PLB1: variants seen among roughly 807,000 people sequenced by gnomAD.
PLB1 encodes phospholipase B1.
In PLB1, 242 loss-of-function variants were observed where a neutral mutation model predicts 227.4. The ratio of observed to expected loss-of-function variants is 1.06; its 90% CI spans 0.96 to 1.18. PLB1 has a LOEUF of 1.18. PLB1 is among the 50% of genes most tolerant of loss of function. PLB1 has a pLI of 0.00. For synonymous variants in PLB1, 757 were observed against 682.2 expected, an observed-to-expected ratio of 1.11 and a Z score of -1.71; for missense variants, 1,858 against 1,816.3, an observed-to-expected ratio of 1.02 and a Z score of -0.42.
At chr2:28,552,890 A>C (rs758926120) in intron 16 of PLB1, 38 bp from the exon 17 acceptor site, 1 of 1,589,514 alleles carries the variant, frequency 6.3e-7, no homozygotes, top group Non-Finnish European at 8.6e-7. Context: ...AGTTTAGAAA[A>C]ATCCATTTTC....
At chr2:28,501,420 A>C (rs1667087613) in intron 1 of PLB1, among the ~76,000 whole-genome samples, 1 of 152,146 alleles carries the variant, frequency 6.6e-6, no homozygotes, top group South Asian at 2.1e-4. Context: ...GAATCACTTG[A>C]ATTTTTTTTT....
chr2:28,552,873 C>A, intron 16 of PLB1, 55 bp from the exon 17 acceptor site: 2 of 1,471,758 alleles, frequency 1.4e-6, no homozygotes, highest in Non-Finnish European at 1.9e-6. Context: ...ACTTCTCACC[C>A]ATTTCCAGTT....
Position 28,573,159 on chromosome 2 carries a change from C to T in PLB1, c.1325-38C>T, listed in dbSNP as rs1678302441. On this transcript the variant is annotated intron_variant, in intron 20 of 57. Coordinates refer to ENST00000327757, the MANE Select transcript of PLB1 (RefSeq NM_153021.5). ...TCAAAGGAATTTGAAGATTGCTTTG[C>T]AGTAGTCACTAAGCGTGTCTTTTCC... The T allele has an allele frequency of 2.7e-6, 4 of 1,505,410 alleles. No individual in the cohort carries two copies. The South Asian group carries it at 3.4e-5, about 13-fold the overall frequency. 93.3% of individuals were successfully genotyped at this position (1,505,410 alleles called of 1,614,324 possible). A position where few individuals can be genotyped will look rare whatever the true frequency, so the allele number is the denominator to read the frequency against.
At chr2:28,569,987 A>G (rs911997307) in intron 20 of PLB1, among the ~76,000 whole-genome samples, 2 of 150,114 alleles carry the variant, frequency 1.3e-5, no homozygotes, top group Admixed American at 1.3e-4. Context: ...AAAGAAAGAA[A>G]AAAGAAAATC....
At chr2:28,532,853 G>A (rs1044543591) in intron 9 of PLB1, among the ~76,000 whole-genome samples, 10 of 152,184 alleles carry the variant, frequency 6.6e-5, no homozygotes, top group South Asian at 4.1e-4. Context: ...GACATGAAGC[G>A]TGTGGTCTCG....
intron 9 of PLB1, among the ~76,000 whole-genome samples, chr2:28,532,561 C>G (rs1476949714): frequency 6.6e-6 from 1 of 152,104 alleles, no homozygotes; most frequent in Non-Finnish European, 1.5e-5. Context: ...TCACAAGGAA[C>G]AGGTGTTTTT....
chr2:28,519,765 T>C lies in PLB1; in HGVS notation c.243+2T>C, dbSNP rs758592021. On this transcript the variant is annotated splice_donor_variant, in intron 4 of 57. Coordinates refer to ENST00000327757, the MANE Select transcript of PLB1 (RefSeq NM_153021.5). LOFTEE classifies it high-confidence loss of function. Reference sequence around the variant, plus strand: ...GCAGCCATTGGCAATCTGGAAATTGTGAGTATTTGAAGTAGCTTGGGGCAG... The same window carrying C: ...GCAGCCATTGGCAATCTGGAAATTGCGAGTATTTGAAGTAGCTTGGGGCAG... The C allele has an allele frequency of 6.2e-7, 1 of 1,608,676 alleles. No individual in the cohort carries two copies. The highest frequency in any genetic ancestry group is 8.5e-7 in the Non-Finnish European group (1 of 1,175,154).
chr2:28,501,270 A>G (rs1484911099), intron 1 of PLB1, among the ~76,000 whole-genome samples: 1 of 152,208 alleles, frequency 6.6e-6, no homozygotes, highest in African/African-American at 2.4e-5. Context: ...CACTTACTGA[A>G]TCCTACAATA....
At position 28,618,355 on chromosome 2, in the gene PLB1, C is replaced by T; in HGVS notation, c.3271C>T (p.Pro1091Ser). ...SVPTSVHQLR[P>S]ADIKVVAALG... ...GTCTCCCCTAGTCCACCAGCTCCGA[C>T]CAGCAGACATCAAAGTGGTGGCCGC... Residue 1091 changes from proline to serine, a missense_variant, in exon 46 of 58, where the codon CCA (proline) becomes TCA (serine). Coordinates refer to ENST00000327757, the MANE Select transcript of PLB1 (RefSeq NM_153021.5). 1 of 1,614,160 alleles carries T rather than the reference C, an allele frequency of 6.2e-7. No homozygotes were observed. Among genetic ancestry groups the T allele is most frequent in the Non-Finnish European group, 8.5e-7 (1 of 1,180,028 alleles).
rs560326200 is a variant in PLB1 at position 28,520,177 on chromosome 2, C to G, written c.243+414C>G. Among the ~76,000 whole-genome samples the G allele has an allele frequency of 1.1e-4, 16 of 151,950 alleles. No individual in the cohort carries two copies. In the South Asian group the frequency reaches 3.1e-3, roughly 30 times the overall value. On this transcript the variant is annotated intron_variant, in intron 4 of 57. Transcript: ENST00000327757. ...TCCTGACCTCAGGTAATCTGCCCGC[C>G]TTGGCCCCCCAAAGTGCTGGGATTA... is the stretch of plus-strand genomic sequence containing the variant.
At chr2:28,631,611 G>C (rs904324593) in intron 54 of PLB1, among the ~76,000 whole-genome samples, 4 of 152,212 alleles carry the variant, frequency 2.6e-5, no homozygotes, top group African/African-American at 9.7e-5. Flanking sequence ...GGCATTTTGG[G>C]AGCTGGTGTT....
chr2:28,638,618 G>C (rs1689636131), intron 56 of PLB1, among the ~76,000 whole-genome samples: 1 of 152,014 alleles, frequency 6.6e-6, no homozygotes, highest in African/African-American at 2.4e-5. Flanking sequence ...GCGGATGGAT[G>C]ATGGGGAAGA....
intron 52 of PLB1, 116 bp downstream of exon 52, chr2:28,628,744 T>G: frequency 2.0e-6 from 2 of 1,023,970 alleles, no homozygotes; most frequent in Non-Finnish European, 3.0e-6. Context: ...AGTGAGCACC[T>G]GGATGGCAGG....
At chr2:28,548,960 C>T (rs754323525) in intron 15 of PLB1, 29 bp downstream of exon 15, 1 of 1,609,130 alleles carries the variant, frequency 6.2e-7, no homozygotes, top group South Asian at 1.1e-5. Context: ...AGGAGGGACT[C>T]TTATTGAATC....
rs781670291 is a variant in PLB1 at position 28,548,886 on chromosome 2, G to T, written c.963G>T (p.Glu321Asp). ...RMMEPAGEKDEPLSVKHGRPM... is the reference protein window; with the variant it reads ...RMMEPAGEKDDPLSVKHGRPM... ...TGGAGCCAGCAGGAGAGAAAGATGAGCCATTGAGTGTAAAACACGGGAGGC... is the reference window on the plus strand; with the variant it reads ...TGGAGCCAGCAGGAGAGAAAGATGATCCATTGAGTGTAAAACACGGGAGGC... The change falls in exon 15 of 58, where the codon GAG (glutamate) becomes GAT (aspartate). Residue 321 changes from glutamate to aspartate, a missense_variant. Coordinates refer to ENST00000327757, the MANE Select transcript of PLB1 (RefSeq NM_153021.5). 11 of 1,614,164 alleles carry T rather than the reference G, an allele frequency of 6.8e-6. No homozygotes were observed. In the South Asian group the frequency reaches 1.1e-4, roughly 16 times the overall value.
intron 32 of PLB1, among the ~76,000 whole-genome samples, chr2:28,593,032 C>T (rs1206542935): frequency 1.3e-5 from 2 of 152,138 alleles, no homozygotes; most frequent in Admixed American, 6.6e-5. Context: ...CCTGTGCGGG[C>T]GCTCTTTTTC....
At chr2:28,539,873 A>G (rs1384065637) in intron 11 of PLB1, among the ~76,000 whole-genome samples, 1 of 151,830 alleles carries the variant, frequency 6.6e-6, no homozygotes, top group Non-Finnish European at 1.5e-5. Flanking sequence ...CCTCTATCCC[A>G]TAGTCACCCC....
chr2:28,559,909 G>A (rs1675782530), intron 17 of PLB1, among the ~76,000 whole-genome samples: 1 of 151,902 alleles, frequency 6.6e-6, no homozygotes, highest in Non-Finnish European at 1.5e-5. Flanking sequence ...ACACCTCCAT[G>A]CCTGGCTAAT....
intron 49 of PLB1, among the ~76,000 whole-genome samples, chr2:28,624,099 A>G (rs1687404200): frequency 6.6e-6 from 1 of 152,182 alleles, no homozygotes; most frequent in Non-Finnish European, 1.5e-5. Flanking sequence ...CCCTGTCTCA[A>G]AAAGGATACA....
Sources: gnomAD v4.1 joint callset for allele counts (sites outside exome capture counted in the v4.1 genomes callset) on GRCh38, gnomAD v4.1.1 for gene constraint, MANE v1.5 for transcripts, NCBI Gene and HGNC (gene_info 2026-07-23, HGNC 2026-07-21) for gene names.